MEGF8: variants seen among roughly 807,000 people sequenced by gnomAD.
The protein encoded by MEGF8 is multiple EGF like domains 8, also known as multiple epidermal growth factor-like domains protein 8.
Under a neutral mutation model 302.9 loss-of-function variants are expected in MEGF8, and 156 were observed. The observed-to-expected ratio is 0.52, with a 90% CI of 0.45 to 0.59. The LOEUF is 0.59. Ranked by LOEUF, MEGF8 falls within the 20% of genes least tolerant of loss-of-function variation. The pLI, the probability that MEGF8 is intolerant of heterozygous loss-of-function variation, is 0.00. For synonymous variants in MEGF8, 1,621 were observed against 1,660.5 expected, an observed-to-expected ratio of 0.98 and a Z score of 0.58; for missense variants, 3,345 against 3,964.5, an observed-to-expected ratio of 0.84 and a Z score of 4.20.
At chr19:42,371,531 A>G (rs751071444) in intron 41 of MEGF8, 49 bp downstream of exon 41, 1 of 1,610,290 alleles carries the variant, frequency 6.2e-7, no homozygotes, top group Non-Finnish European at 8.5e-7. Flanking sequence ...CACCTTGTGG[A>G]GGTCAGGGCT....
At chr19:42,345,225 G>A (rs1012685447) in intron 12 of MEGF8, among the ~76,000 whole-genome samples, 1 of 152,186 alleles carries the variant, frequency 6.6e-6, no homozygotes, top group African/African-American at 2.4e-5. Flanking sequence ...GCCTGCCTTG[G>A]CCTCCCAAAA....
At position 42,369,473 on chromosome 19, in the gene MEGF8, G is replaced by A; in HGVS notation, c.6642-58G>A. 1.9e-6 allele frequency: 3 copies of A among 1,548,622 alleles called. No homozygotes were observed. Among genetic ancestry groups the A allele is most frequent in the Non-Finnish European group, 2.6e-6 (3 of 1,145,668 alleles). On this transcript the variant is annotated intron_variant, in intron 37 of 41. Coordinates refer to ENST00000251268, the MANE Select transcript of MEGF8 (RefSeq NM_001271938.2). The surrounding 1 kb of genome is among the most constrained non-coding windows in gnomAD (Gnocchi z 5.7). The stretch of plus-strand genomic sequence containing the variant: ...GGGTGGGGTAGTTGGTTGGGTGCTA[G>A]GCCATGAAGCCACGAGGAGGGTGGC...
intron 35 of MEGF8, among the ~76,000 whole-genome samples, chr19:42,364,660 C>T (rs964319389): frequency 1.3e-5 from 2 of 152,288 alleles, no homozygotes; most frequent in Admixed American, 6.5e-5. Flanking sequence ...AGCTCTCACC[C>T]GGAGGTAGTT....
chr19:42,352,238 CGGT>C lies in MEGF8; in HGVS notation c.3135_3137del (p.Gly1047del), dbSNP rs866436812. 1.3e-5 allele frequency: 20 copies of C among 1,554,136 alleles called. No homozygotes were observed. Among genetic ancestry groups the C allele is most frequent in the African/African-American group, 2.7e-5 (2 of 73,606 alleles). ...TACAGGGGGACTTCTCAGGGCCCCT[CGGT>C]GGGGGTAACTGCTCCCTGTGGGTGG... On this transcript the variant is annotated inframe_deletion, in exon 19 of 42. Coordinates refer to ENST00000251268, the MANE Select transcript of MEGF8 (RefSeq NM_001271938.2). This position sits in a 1 kb window ranked among gnomAD's most constrained non-coding sequence, Gnocchi z 4.4.
rs749960291 is a variant in MEGF8 at position 42,357,484 on chromosome 19, C to T, written c.4911C>T (p.Gly1637=). ...ARRGLSLLLV[G]GYSPENGFNQ... is the part of the protein sequence containing the mutation. ...GAGGCCTGTCTCTGCTCCTGGTGGG[C>T]GGTTACTCCCCGGAAAATGGCTTCA... Residue 1637 remains glycine, a synonymous_variant, in exon 28 of 42, where the codon GGC becomes GGT. Transcript: ENST00000251268. The surrounding 1 kb of genome is among the most constrained non-coding windows in gnomAD (Gnocchi z 5.2). 9 of 1,613,786 alleles carry T rather than the reference C, an allele frequency of 5.6e-6. No homozygotes were observed. Among genetic ancestry groups the T allele is most frequent in the South Asian group, 3.3e-5 (3 of 91,084 alleles).
intron 12 of MEGF8, among the ~76,000 whole-genome samples, 175 bp downstream of exon 12, chr19:42,345,008 G>T (rs1333895733): frequency 1.5e-4 from 23 of 152,076 alleles, no homozygotes; most frequent in Non-Finnish European, 4.4e-5. Flanking sequence ...GTCTTGCTCT[G>T]TCACCCAGGC....
At chr19:42,349,345 G>C (rs192856638) in intron 13 of MEGF8, among the ~76,000 whole-genome samples, 154 bp from the exon 14 acceptor site, 4 of 151,782 alleles carry the variant, frequency 2.6e-5, no homozygotes, top group Non-Finnish European at 5.9e-5. Context: ...GGGTCCCTGG[G>C]GGTCTCACCT....
rs1407807479 is a variant in MEGF8 at position 42,370,644 on chromosome 19, A to T, written c.7006-57A>T. 1.9e-6 allele frequency: 3 copies of T among 1,553,828 alleles called. No homozygotes were observed. The East Asian group carries it at 7.1e-5, about 37-fold the overall frequency. Reference sequence around the variant, plus strand: ...GTAGGAGCCTGGACTCCTGGGTCTGAGGGAGGAGGGGGTTGGTCCAGGCCT... The same window carrying T: ...GTAGGAGCCTGGACTCCTGGGTCTGTGGGAGGAGGGGGTTGGTCCAGGCCT... On this transcript the variant is annotated intron_variant, in intron 39 of 41. Coordinates refer to ENST00000251268, the MANE Select transcript of MEGF8 (RefSeq NM_001271938.2).
intron 1 of MEGF8, among the ~76,000 whole-genome samples, chr19:42,333,084 G>A (rs930433134): frequency 6.6e-6 from 1 of 152,174 alleles, no homozygotes; most frequent in African/African-American, 2.4e-5. Context: ...GAACTATGCC[G>A]CTCCAAGGTT....
chr19:42,352,989 G>A lies in MEGF8; in HGVS notation c.3412G>A (p.Asp1138Asn), dbSNP rs374300363. ...CCCCCCGGACTTTACCTGCGTGTGT[G>A]ACCTAGGCTGGACATCAGACCTGCC... ...SGPPDFTCVCDLGWTSDLPPP... is the reference protein window; with the variant it reads ...SGPPDFTCVCNLGWTSDLPPP... The change falls in exon 20 of 42, where the codon GAC becomes AAC. Residue 1138 changes from aspartate (D) to asparagine (N), a missense_variant. Coordinates refer to ENST00000251268, the MANE Select transcript of MEGF8 (RefSeq NM_001271938.2). This position sits in a 1 kb window ranked among gnomAD's most constrained non-coding sequence, Gnocchi z 4.4. 3.9e-5 allele frequency: 62 copies of A among 1,595,446 alleles called. No individual in the cohort carries two copies. The highest frequency in any genetic ancestry group is 5.4e-5 in the African/African-American group (4 of 74,564).
rs745383213 is a variant in MEGF8 at position 42,352,982 on chromosome 19, C to T, written c.3405C>T (p.Cys1135=). 9 of 1,598,754 alleles carry T rather than the reference C, an allele frequency of 5.6e-6. No individual in the cohort carries two copies. The highest frequency in any genetic ancestry group is 1.1e-5 in the South Asian group (1 of 87,916). ...GVCSGPPDFT[C]VCDLGWTSDL... is the part of the protein sequence containing the mutation. ...GCAGTGGCCCCCCGGACTTTACCTG[C>T]GTGTGTGACCTAGGCTGGACATCAG... Residue 1135 remains cysteine, a synonymous_variant, in exon 20 of 42, where the codon TGC becomes TGT. Transcript: ENST00000251268. The surrounding 1 kb of genome is among the most constrained non-coding windows in gnomAD (Gnocchi z 4.4).
chr19:42,343,512 G>T lies in MEGF8; in HGVS notation c.1549G>T (p.Val517Leu), dbSNP rs1299943165. The change falls in exon 9 of 42, where the codon GTA (valine) becomes TTA (leucine). Residue 517 changes from valine (V) to leucine (L), a missense_variant. Val to Leu is a conservative substitution (Grantham distance 32). Coordinates refer to ENST00000251268, the MANE Select transcript of MEGF8 (RefSeq NM_001271938.2). Reference protein sequence around the residue: ...AAPPSGRYSHVAAVLGGSVLL... With the variant: ...AAPPSGRYSHLAAVLGGSVLL... The stretch of plus-strand genomic sequence containing the variant: ...GCCTCCCAGTGGTCGGTACTCACAT[G>T]TAGCTGCGGTGCTTGGTGGCAGCGT... The T allele has an allele frequency of 1.2e-6, 2 of 1,612,970 alleles. No homozygotes were observed. Among genetic ancestry groups the T allele is most frequent in the Non-Finnish European group, 1.7e-6 (2 of 1,179,374 alleles).
Position 42,326,273 on chromosome 19 carries a change from A to G in MEGF8, c.30A>G (p.Ala10=). MALGKVLAM[A]LVLALAVLGS... ...CCCTGGGCAAGGTTCTGGCCATGGC[A>G]CTGGTTTTGGCCTTGGCCGTGCTGG... Residue 10 remains alanine (A), a synonymous_variant, in exon 1 of 42, where the codon GCA becomes GCG. Coordinates refer to ENST00000251268, the MANE Select transcript of MEGF8 (RefSeq NM_001271938.2). 3.9e-6 allele frequency: 6 copies of G among 1,555,172 alleles called. No homozygotes were observed. Among genetic ancestry groups the G allele is most frequent in the Non-Finnish European group, 4.3e-6 (5 of 1,158,682 alleles).
chr19:42,335,396 C>T lies in MEGF8; in HGVS notation c.828+11C>T, dbSNP rs775052572. The T allele has an allele frequency of 1.5e-5, 24 of 1,613,150 alleles. No homozygotes were observed. The highest frequency in any genetic ancestry group is 3.3e-5 in the South Asian group (3 of 91,064). ...CTGAGTCCTGCCCCGGTATGGACCCCTCCTCTGCCCTGGAGGAGCCTTTCC... is the reference window on the plus strand; with the variant it reads ...CTGAGTCCTGCCCCGGTATGGACCCTTCCTCTGCCCTGGAGGAGCCTTTCC... On this transcript the variant is annotated intron_variant, in intron 5 of 41. Coordinates refer to ENST00000251268, the MANE Select transcript of MEGF8 (RefSeq NM_001271938.2).
rs1223124013 is a variant in MEGF8, at chr19:42,348,384, C to A, written c.2210C>A (p.Pro737Gln). The A allele has an allele frequency of 1.2e-5, 18 of 1,537,196 alleles. No individual in the cohort carries two copies. The highest frequency in any genetic ancestry group is 1.5e-5 in the Non-Finnish European group (17 of 1,146,912). ...ATGCTGCCTGGAGGGCCAGGTGGACCAGGGGCTGAGGACGTGGCCGTGTGG... is the reference window on the plus strand; with the variant it reads ...ATGCTGCCTGGAGGGCCAGGTGGACAAGGGGCTGAGGACGTGGCCGTGTGG... ...YPMLPGGPGG[P>Q]GAEDVAVWTR... is the part of the protein sequence containing the mutation. Residue 737 changes from proline to glutamine, a missense_variant, in exon 13 of 42, where the codon CCA becomes CAA. Physicochemically the swap from Pro to Gln is moderately conservative, Grantham distance 76. Transcript: ENST00000251268.
chr19:42,331,225 A>C (rs1452745031), intron 1 of MEGF8, among the ~76,000 whole-genome samples: 4 of 152,164 alleles, frequency 2.6e-5, no homozygotes, highest in Non-Finnish European at 5.9e-5. Context: ...ACAGTCATGG[A>C]AACTAAGGCT....
intron 8 of MEGF8, among the ~76,000 whole-genome samples, chr19:42,341,403 TGG>T (rs2039211475): frequency 1.6e-5 from 2 of 126,042 alleles, no homozygotes; most frequent in African/African-American, 6.3e-5. Context: ...CACTCCAGCC[TGG>T]GTAACAGAGG....
chr19:42,374,208 AGTGGCTCAT>A (rs2039732780), intron 41 of MEGF8, among the ~76,000 whole-genome samples: 1 of 152,182 alleles, frequency 6.6e-6, no homozygotes, highest in African/African-American at 2.4e-5. Flanking sequence ...AGCTGGGCAC[AGTGGCTCAT>A]GCCAGCACTT....
chr19:42,369,730 C>T lies in MEGF8; in HGVS notation c.6834+7C>T, dbSNP rs375943550. On this transcript the variant is annotated splice_region_variant and intron_variant, in intron 38 of 41. Transcript: ENST00000251268. The surrounding 1 kb of genome is among the most constrained non-coding windows in gnomAD (Gnocchi z 5.7). ...CTGCCGCAACCACACCAAGGTGGGC[C>T]GCCCGGAGCCTCAGACCCCCGACCC... The T allele has an allele frequency of 1.3e-5, 21 of 1,594,856 alleles. No individual in the cohort carries two copies. Among genetic ancestry groups the T allele is most frequent in the South Asian group, 5.6e-5 (5 of 89,226 alleles).
Sources: gnomAD v4.1 joint callset for allele counts (sites outside exome capture counted in the v4.1 genomes callset) on GRCh38, gnomAD v4.1.1 for gene constraint, Gnocchi (gnomAD v3.1) non-coding constraint, MANE v1.5 for transcripts, NCBI Gene and HGNC (gene_info 2026-07-23, HGNC 2026-07-21) for gene names.